Variants in HIC1 observed in about 807,000 individuals in gnomAD.
The protein encoded by HIC1 is hypermethylated in cancer 1 protein.
A neutral mutation model predicts 26.4 loss-of-function variants in HIC1; 9 were observed. The observed-to-expected ratio is 0.34, with a 90% CI of 0.21 to 0.59. The LOEUF is 0.59. HIC1 is among the 20% of genes least tolerant of loss of function. HIC1 has a pLI of 0.82. For synonymous variants in HIC1, 631 were observed against 523.1 expected (o/e 1.21, Z -2.81); for missense variants, 965 against 1,075.7 (o/e 0.90, Z 1.44).
chr17:2,056,485 T>G, intron 1 of HIC1, 186 bp from the exon 2 acceptor site: 1 of 1,334,502 alleles, frequency 7.5e-7, no homozygotes, highest in Non-Finnish European at 1.1e-6. Context: ...CTCCTTCTCC[T>G]GGTCCGGGCG....
In HIC1 at chr17:2,059,114, T is replaced by A; in HGVS notation, c.*279T>A. 1 of 365,164 alleles carries A rather than the reference T, an allele frequency of 2.7e-6. No individual in the cohort carries two copies. The highest frequency in any genetic ancestry group is 5.1e-6 in the Non-Finnish European group (1 of 196,136). The allele number at this position is 365,164 out of a possible 1,614,324, so 22.6% of individuals were successfully genotyped here. A position where few individuals can be genotyped will look rare whatever the true frequency, so the allele number is the denominator to read the frequency against. On this transcript the variant is annotated 3_prime_UTR_variant, in exon 2 of 2. Transcript: ENST00000619757. ...GAGACCCCAGGCCCCTCCCGCCTCT[T>A]CCTGTGGTTCGTCGGCCCCCTCCCC...
chr17:2,057,827 C>T lies in HIC1; in HGVS notation c.1137C>T (p.Ser379=). 6.4e-7 allele frequency: 1 copy of T among 1,573,946 alleles called. No homozygotes were observed. The highest frequency in any genetic ancestry group is 1.2e-5 in the South Asian group (1 of 86,904). The part of the protein sequence containing the change: ...GAGGDGDDYK[S]SSEETGSSED... The stretch of plus-strand genomic sequence containing the variant: ...GCGGCGACGGCGACGACTACAAGAG[C>T]AGCAGCGAGGAGACCGGTAGCAGCG... Residue 379 remains serine, a synonymous_variant, in exon 2 of 2, where the codon AGC becomes AGT. Coordinates refer to ENST00000619757, the MANE Select transcript of HIC1 (RefSeq NM_006497.4).
Position 2,058,051 on chromosome 17 carries a change from C to A in HIC1, c.1361C>A (p.Ala454Asp). ...EEALYGRAEA[A>D]EVAAGAAGLG... ...GCGCTGTACGGCAGGGCCGAGGCGG[C>A]CGAAGTGGCCGCTGGGGCCGCCGGC... The change falls in exon 2 of 2, where the codon GCC becomes GAC. Residue 454 changes from alanine (A) to aspartate (D), a missense_variant. Coordinates refer to ENST00000619757, the MANE Select transcript of HIC1 (RefSeq NM_006497.4). 6.3e-7 allele frequency: 1 copy of A among 1,582,870 alleles called. No homozygotes were observed. The highest frequency in any genetic ancestry group is 8.6e-7 in the Non-Finnish European group (1 of 1,166,662).
rs1044682823 is a variant in HIC1 at position 2,056,449 on chromosome 17, C to T, written c.-20-222C>T. On this transcript the variant is annotated intron_variant, in intron 1 of 1. Transcript: ENST00000619757. ...GGCGTGCAGGCCGCCCTGGCCTCCC[C>T]TCCACCGGCGGCCGCTCACCTCCTG... 8 of 1,392,170 alleles carry T rather than the reference C, an allele frequency of 5.7e-6. No individual in the cohort carries two copies. The South Asian group carries it at 8.1e-5, about 14-fold the overall frequency. The allele number at this position is 1,392,170 out of a possible 1,614,324, so 86.2% of individuals were successfully genotyped here.
At position 2,057,392 on chromosome 17, in the gene HIC1, G is replaced by T; in HGVS notation, c.702G>T (p.Ala234=). The stretch of plus-strand genomic sequence containing the variant: ...CCAAGAAGAGCCCGCCGGGCTCCGC[G>T]GCGCCAGAGCGGCCGCTGGCTGAGC... ...DLSKKSPPGS[A]APERPLAERE... is the part of the protein sequence containing the mutation. Residue 234 remains alanine, a synonymous_variant, in exon 2 of 2, where the codon GCG becomes GCT. Transcript: ENST00000619757. 7.0e-7 allele frequency: 1 copy of T among 1,438,336 alleles called. No homozygotes were observed. The highest frequency in any genetic ancestry group is 1.5e-5 in the African/African-American group (1 of 67,068). The allele number at this position is 1,438,336 out of a possible 1,614,324, so 89.1% of individuals were successfully genotyped here. A position where few individuals can be genotyped will look rare whatever the true frequency, so the allele number is the denominator to read the frequency against.
chr17:2,056,328 G>A (rs2067672210), intron 1 of HIC1: 2 of 1,613,538 alleles, frequency 1.2e-6, no homozygotes, highest in South Asian at 1.1e-5. Flanking sequence ...TCCTGAAGCG[G>A]ACATTTTACT....
Position 2,061,464 on chromosome 17 carries a change from A to T in HIC1, c.*2629A>T. On this transcript the variant is annotated 3_prime_UTR_variant, in exon 2 of 2. Coordinates refer to ENST00000619757, the MANE Select transcript of HIC1 (RefSeq NM_006497.4). Reference sequence around the variant, plus strand: ...CTGGTGGCCTTTCAGGAACGGTTCCACGGGGGGGGGGCCCCAGTGTGGCTC... The same window carrying T: ...CTGGTGGCCTTTCAGGAACGGTTCCTCGGGGGGGGGGCCCCAGTGTGGCTC... The T allele has an allele frequency of 8.1e-7, 1 of 1,239,840 alleles. No individual in the cohort carries two copies. Among genetic ancestry groups the T allele is most frequent in the South Asian group, 1.3e-5 (1 of 77,632 alleles). The allele number at this position is 1,239,840 out of a possible 1,614,324, so 76.8% of individuals were successfully genotyped here.
chr17:2,057,581 C>A lies in HIC1; in HGVS notation c.891C>A (p.Pro297=). 1 of 1,504,834 alleles carries A rather than the reference C, an allele frequency of 6.6e-7. No individual in the cohort carries two copies. The highest frequency in any genetic ancestry group is 8.8e-7 in the Non-Finnish European group (1 of 1,132,328). 93.2% of individuals were successfully genotyped at this position (1,504,834 alleles called of 1,614,324 possible). ...GCGGCGGCAGCGGCAGCCCGGGACC[C>A]GAGCCCCCCGGCCGCCCCGACGGGC... ...PFRGGSGSPG[P]EPPGRPDGPS... Residue 297 remains proline, a synonymous_variant, in exon 2 of 2, where the codon CCC becomes CCA. Transcript: ENST00000619757.
At position 2,058,932 on chromosome 17, in the gene HIC1, A is replaced by AC; in HGVS notation, c.*98dup. The AC allele has an allele frequency of 8.9e-7, 1 of 1,117,372 alleles. No homozygotes were observed. The highest frequency in any genetic ancestry group is 2.1e-5 in the South Asian group (1 of 46,532). The allele number at this position is 1,117,372 out of a possible 1,614,324, so 69.2% of individuals were successfully genotyped here. Reference sequence around the variant, plus strand: ...GCGCGCAGGGCCCACTGTGCCCGGGACAACCGCAGCGTCGCCACAGTGGCG... The same window carrying AC: ...GCGCGCAGGGCCCACTGTGCCCGGGACCAACCGCAGCGTCGCCACAGTGGCG... On this transcript the variant is annotated 3_prime_UTR_variant, in exon 2 of 2. Transcript: ENST00000619757.
At position 2,058,644 on chromosome 17, in the gene HIC1, G is replaced by A; in HGVS notation, c.1954G>A (p.Ala652Thr). Residue 652 changes from alanine (A) to threonine (T), a missense_variant, in exon 2 of 2, where the codon GCC becomes ACC. Coordinates refer to ENST00000619757, the MANE Select transcript of HIC1 (RefSeq NM_006497.4). The part of the protein sequence containing the change: ...SLKQQDKAAA[A>T]ELLAQTTHFL... ...GAAGCAGCAGGACAAGGCGGCCGCG[G>A]CCGAGCTGCTGGCGCAGACCACGCA... 1 of 1,564,024 alleles carries A rather than the reference G, an allele frequency of 6.4e-7. No homozygotes were observed. The highest frequency in any genetic ancestry group is 1.8e-5 in the Admixed American group (1 of 54,202).
Position 2,055,571 on chromosome 17 carries a change from T to TGG in HIC1, c.-21+333_-21+334insGG, listed in dbSNP as rs1387441322. ...GGGCCTGGCAGCGGCGGGTGGGGCA[T>TGG]CGGCTAAGAGCTGCCACCGCCGCGG... On this transcript the variant is annotated intron_variant, in intron 1 of 1. Transcript: ENST00000619757. This position sits in a 1 kb window ranked among gnomAD's most constrained non-coding sequence, Gnocchi z 6.4. 1.5e-4 allele frequency among the ~76,000 whole-genome samples: 22 copies of TGG among 146,480 alleles called. No homozygotes were observed. Among genetic ancestry groups the TGG allele is most frequent in the African/African-American group, 5.6e-4 (22 of 39,464 alleles).
In HIC1 at chr17:2,057,015, G is replaced by A. The variant is rs2151368719; in HGVS notation, c.325G>A (p.Ala109Thr). ...CCCGGGGGCTGAGCCGAGCCTGGGCGCCGTGCTGGCCGCCGCCAGCTACCT... is the reference window on the plus strand; with the variant it reads ...CCCGGGGGCTGAGCCGAGCCTGGGCACCGTGCTGGCCGCCGCCAGCTACCT... ...VAPGAEPSLG[A>T]VLAAASYLQI... Residue 109 changes from alanine (A) to threonine (T), a missense_variant, in exon 2 of 2, where the codon GCC becomes ACC. Ala to Thr is a moderately conservative substitution (Grantham distance 58, BLOSUM62 0). Transcript: ENST00000619757. 1.3e-6 allele frequency: 2 copies of A among 1,489,328 alleles called. No homozygotes were observed. Among genetic ancestry groups the A allele is most frequent in the Admixed American group, 5.1e-5 (2 of 39,182 alleles). 92.3% of individuals were successfully genotyped at this position (1,489,328 alleles called of 1,614,324 possible).
At position 2,059,095 on chromosome 17, in the gene HIC1, C is replaced by T; in HGVS notation, c.*260C>T. ...ATATCAGCTTTGACCAAAGGAGACC[C>T]CAGGCCCCTCCCGCCTCTTCCTGTG... is the stretch of plus-strand genomic sequence containing the variant. On this transcript the variant is annotated 3_prime_UTR_variant, in exon 2 of 2. Coordinates refer to ENST00000619757, the MANE Select transcript of HIC1 (RefSeq NM_006497.4). The T allele has an allele frequency of 2.4e-6, 1 of 408,964 alleles. No homozygotes were observed. Among genetic ancestry groups the T allele is most frequent in the Non-Finnish European group, 4.5e-6 (1 of 223,526 alleles). The allele number at this position is 408,964 out of a possible 1,614,324, so 25.3% of individuals were successfully genotyped here.
intron 1 of HIC1, 178 bp from the exon 2 acceptor site, chr17:2,056,493 G>A: frequency 7.5e-7 from 1 of 1,339,314 alleles, no homozygotes; most frequent in Non-Finnish European, 1.0e-6. Flanking sequence ...CCTGGTCCGG[G>A]CGGGCCGGCC....
At chr17:2,056,469 C>A in intron 1 of HIC1, 2 of 1,346,018 alleles carry the variant, frequency 1.5e-6, no homozygotes, top group South Asian at 1.2e-5. Flanking sequence ...GGCCGCTCAC[C>A]TCCTGCTCCT....
chr17:2,057,953 T>G lies in HIC1; in HGVS notation c.1263T>G (p.Ile421Met). 6.2e-7 allele frequency: 1 copy of G among 1,610,734 alleles called. No individual in the cohort carries two copies. Among genetic ancestry groups the G allele is most frequent in the Non-Finnish European group, 8.5e-7 (1 of 1,178,994 alleles). ...ESFGDNLYVC[I>M]PCGKGFPSSE... ...TCGGTGACAACCTGTACGTGTGCAT[T>G]CCGTGCGGCAAGGGCTTCCCCAGCT... is the stretch of plus-strand genomic sequence containing the variant. Residue 421 changes from isoleucine to methionine, a missense_variant, in exon 2 of 2, where the codon ATT becomes ATG. By Grantham distance (10) the Ile-to-Met change is conservative (BLOSUM62 1). Transcript: ENST00000619757.
chr17:2,057,029 C>G lies in HIC1; in HGVS notation c.339C>G (p.Ala113=). The change falls in exon 2 of 2, where the codon GCC becomes GCG. Residue 113 remains alanine (A), a synonymous_variant. Coordinates refer to ENST00000619757, the MANE Select transcript of HIC1 (RefSeq NM_006497.4). ...AEPSLGAVLA[A]ASYLQIPDLV... The stretch of plus-strand genomic sequence containing the variant: ...CGAGCCTGGGCGCCGTGCTGGCCGC[C>G]GCCAGCTACCTGCAGATCCCCGACC... The G allele has an allele frequency of 2.7e-6, 4 of 1,487,962 alleles. No individual in the cohort carries two copies. The East Asian group carries it at 1.1e-4, about 42-fold the overall frequency. The allele number at this position is 1,487,962 out of a possible 1,614,324, so 92.2% of individuals were successfully genotyped here.
Position 2,058,812 on chromosome 17 carries a change from A to G in HIC1, c.2122A>G (p.Ile708Val). 6.7e-7 allele frequency: 1 copy of G among 1,495,300 alleles called. No individual in the cohort carries two copies. Among genetic ancestry groups the G allele is most frequent in the South Asian group, 1.3e-5 (1 of 77,210 alleles). The allele number at this position is 1,495,300 out of a possible 1,614,324, so 92.6% of individuals were successfully genotyped here. A position where few individuals can be genotyped will look rare whatever the true frequency, so the allele number is the denominator to read the frequency against. ...GGCGGCCGGGCCCGACGGCCGGACC[A>G]TCGACCGTTTCTCTCCCACCTAGAG... ...HLAAGPDGRT[I>V]DRFSPT Residue 708 changes from isoleucine to valine, a missense_variant, in exon 2 of 2, where the codon ATC (isoleucine) becomes GTC (valine). Coordinates refer to ENST00000619757, the MANE Select transcript of HIC1 (RefSeq NM_006497.4).
Position 2,061,108 on chromosome 17 carries a change from C to A in HIC1, c.*2273C>A, listed in dbSNP as rs189617011. On this transcript the variant is annotated 3_prime_UTR_variant, in exon 2 of 2. Transcript: ENST00000619757. ...ACTGCATCTGACGGAAACTCAGAAC[C>A]CCTGCCCTGTCTCCACTGGAGAAAG... The A allele has an allele frequency of 8.8e-5, 17 of 193,396 alleles. No individual in the cohort carries two copies. The East Asian group carries it at 1.8e-3, about 20-fold the overall frequency. The allele number at this position is 193,396 out of a possible 1,614,324, so 12.0% of individuals were successfully genotyped here. A position where few individuals can be genotyped will look rare whatever the true frequency, so the allele number is the denominator to read the frequency against.
Sources: allele counts gnomAD v4.1 joint callset (sites outside exome capture counted in the v4.1 genomes callset), GRCh38; gene constraint gnomAD v4.1.1; non-coding constraint Gnocchi (gnomAD v3.1); transcripts MANE v1.5; gene names NCBI Gene and HGNC (gene_info 2026-07-23, HGNC 2026-07-21).